Variants in ELFN1 observed in about 807,000 individuals in gnomAD.
The protein encoded by ELFN1 is protein ELFN1.
A neutral mutation model predicts 7.6 loss-of-function variants in ELFN1; 6 were observed. That is an observed-to-expected ratio of 0.79 (90% CI 0.43 to 1.56). ELFN1 has a LOEUF of 1.56. Ranked by LOEUF, ELFN1 falls within the 40% of genes most tolerant of loss-of-function variation. The pLI, the probability that ELFN1 is intolerant of heterozygous loss-of-function variation, is 0.01. For synonymous variants in ELFN1, 657 were observed against 588.1 expected, an observed-to-expected ratio of 1.12 and a Z score of -1.70; for missense variants, 1,169 against 1,232.2, an observed-to-expected ratio of 0.95 and a Z score of 0.77.
Position 1,746,010 on chromosome 7 carries a change from G to A in ELFN1, c.1414G>A (p.Gly472Arg), listed in dbSNP as rs765564129. The A allele has an allele frequency of 1.4e-5, 22 of 1,543,214 alleles. No individual in the cohort carries two copies. The highest frequency in any genetic ancestry group is 4.1e-5 in the African/African-American group (3 of 72,810). ...GAAGACCATCATCGAGCTCAAGTAC[G>A]GGCCAGAGCTGGAGGCGCCCGGCCT... The part of the protein sequence containing the change: ...LKKTIIELKY[G>R]PELEAPGLAP... The change falls in exon 4 of 4, where the codon GGG becomes AGG. Residue 472 changes from glycine (G) to arginine (R), a missense_variant. Gly to Arg is a moderately radical substitution (Grantham distance 125, BLOSUM62 -2). Transcript: ENST00000424383.
chr7:1,696,758 C>G lies in ELFN1; in HGVS notation c.-456+8608C>G, dbSNP rs185587950. Among the ~76,000 whole-genome samples, 150 of 152,282 alleles carry G rather than the reference C, an allele frequency of 9.9e-4. 1 individual carries two copies. Among genetic ancestry groups the G allele is most frequent in the African/African-American group, 3.3e-3 (136 of 41,562 alleles). On this transcript the variant is annotated intron_variant, in intron 2 of 3. Coordinates refer to ENST00000424383, the MANE Select transcript of ELFN1 (RefSeq NM_001128636.4). ...ATCGTGGGCCCCACCCTCATGACCT[C>G]GGCTAACTCCGATCACCTCCCAGAG...
chr7:1,712,166 G>A (rs902220283), intron 3 of ELFN1, among the ~76,000 whole-genome samples: 1 of 152,148 alleles, frequency 6.6e-6, no homozygotes, highest in Admixed American at 6.5e-5. Context: ...TGTCCCCCAA[G>A]TTTGTCTGTT....
In ELFN1 at chr7:1,746,748, C is replaced by G. The variant is rs1278284913; in HGVS notation, c.2152C>G (p.Pro718Ala). Reference protein sequence around the residue: ...PGSHPAEPPAPPGPPPPPPHE... With the variant: ...PGSHPAEPPAAPGPPPPPPHE... ...CTCCCACCCGGCCGAGCCACCTGCG[C>G]CCCCCGGGCCACCGCCGCCGCCTCC... Residue 718 changes from proline to alanine, a missense_variant, in exon 4 of 4, where the codon CCC (proline) becomes GCC (alanine). Around this residue, in one of 2 missense-constraint regions of ELFN1, gnomAD observed 914 missense variants for 872.6 expected, o/e 1.05. Transcript: ENST00000424383. The G allele has an allele frequency of 6.7e-7, 1 of 1,493,924 alleles. No homozygotes were observed. 92.5% of individuals were successfully genotyped at this position (1,493,924 alleles called of 1,614,324 possible). A position where few individuals can be genotyped will look rare whatever the true frequency, so the allele number is the denominator to read the frequency against.
intron 3 of ELFN1, among the ~76,000 whole-genome samples, chr7:1,724,267 G>A (rs1260790516): frequency 6.6e-6 from 1 of 152,162 alleles, no homozygotes; most frequent in Non-Finnish European, 1.5e-5. Flanking sequence ...ACCCTTCATC[G>A]TGGCTAAGCA....
At chr7:1,743,100 TG>T (rs1583405256) in intron 3 of ELFN1, among the ~76,000 whole-genome samples, 1 of 151,964 alleles carries the variant, frequency 6.6e-6, no homozygotes, top group African/African-American at 2.4e-5. Context: ...GGGGGGTCCA[TG>T]GGGGAGCAGG....
chr7:1,720,641 T>C (rs932896427), intron 3 of ELFN1, among the ~76,000 whole-genome samples: 4 of 152,162 alleles, frequency 2.6e-5, no homozygotes, highest in Admixed American at 2.0e-4. Flanking sequence ...TCTGAGCTCC[T>C]TAAAAGCTCC....
chr7:1,677,652 C>A (rs901880729), intron 1 of ELFN1, among the ~76,000 whole-genome samples: 7 of 152,186 alleles, frequency 4.6e-5, no homozygotes, highest in Non-Finnish European at 1.0e-4. Context: ...CTGGCCCCCC[C>A]ACCCCTTTCC....
intron 3 of ELFN1, among the ~76,000 whole-genome samples, chr7:1,734,786 C>G (rs1426032205): frequency 1.3e-5 from 2 of 152,122 alleles, no homozygotes; most frequent in Non-Finnish European, 1.5e-5. Context: ...CAGCCTCAAC[C>G]TCCTGAGCCG....
chr7:1,692,944 A>G (rs1449938633), intron 2 of ELFN1: 1 of 223,582 alleles, frequency 4.5e-6, no homozygotes. Flanking sequence ...CAGGGACCTC[A>G]CAAGGCAGGC....
chr7:1,697,916 G>A (rs1779352259), intron 2 of ELFN1, among the ~76,000 whole-genome samples: 1 of 152,212 alleles, frequency 6.6e-6, no homozygotes, highest in Non-Finnish European at 1.5e-5. Flanking sequence ...TCCAGGTGTG[G>A]GAAGAAAGGA....
In ELFN1 at chr7:1,745,772, C is replaced by T. The variant is rs1780762264; in HGVS notation, c.1176C>T (p.His392=). Residue 392 remains histidine, a synonymous_variant, in exon 4 of 4, where the codon CAC becomes CAT. Coordinates refer to ENST00000424383, the MANE Select transcript of ELFN1 (RefSeq NM_001128636.4). Reference sequence around the variant, plus strand: ...CCAGCGCCGGGCTGCGCCACAACCACACCTGCCTCACCATCTGCTTGCCCC... The same window carrying T: ...CCAGCGCCGGGCTGCGCCACAACCATACCTGCCTCACCATCTGCTTGCCCC... The part of the protein sequence containing the change: ...VSTSAGLRHN[H]TCLTICLPRL... 1 of 1,553,496 alleles carries T rather than the reference C, an allele frequency of 6.4e-7. No homozygotes were observed. The highest frequency in any genetic ancestry group is 2.0e-5 in the Admixed American group (1 of 51,134).
In ELFN1 at chr7:1,673,088, C is replaced by A. The variant is rs932520414; in HGVS notation, c.-549+2734C>A. Among the ~76,000 whole-genome samples the A allele has an allele frequency of 2.2e-5, 2 of 92,490 alleles. No homozygotes were observed. Among genetic ancestry groups the A allele is most frequent in the Non-Finnish European group, 1.9e-5 (1 of 51,596 alleles). The allele number at this position is 92,490 out of a possible 152,430, so 60.7% of individuals were successfully genotyped here. ...ATACATTTGTCATCTCTCCAGCGCC[C>A]CCCCCCGCTCTTTCCTTTTTGTTTT... is the stretch of plus-strand genomic sequence containing the variant. On this transcript the variant is annotated intron_variant, in intron 1 of 3. Coordinates refer to ENST00000424383, the MANE Select transcript of ELFN1 (RefSeq NM_001128636.4). This position sits in a 1 kb window ranked among gnomAD's most constrained non-coding sequence, Gnocchi z 4.7.
At chr7:1,710,070 C>A (rs187324896) in intron 3 of ELFN1, among the ~76,000 whole-genome samples, 1 of 152,292 alleles carries the variant, frequency 6.6e-6, no homozygotes, top group Admixed American at 6.5e-5. Flanking sequence ...CAGAAGGAGG[C>A]GCTATTGTTA....
At chr7:1,729,927 C>T (rs1454974440) in intron 3 of ELFN1, among the ~76,000 whole-genome samples, 2 of 152,238 alleles carry the variant, frequency 1.3e-5, no homozygotes, top group Non-Finnish European at 2.9e-5. Context: ...GCACGTAGAC[C>T]AGCAGGCCCC....
At chr7:1,682,490 G>A (rs1778990916) in intron 1 of ELFN1, among the ~76,000 whole-genome samples, 1 of 151,778 alleles carries the variant, frequency 6.6e-6, no homozygotes, top group South Asian at 2.1e-4. Flanking sequence ...TCCCAGGCTG[G>A]AGTGCAGCGG....
At chr7:1,690,333 G>C (rs548183579) in intron 2 of ELFN1, among the ~76,000 whole-genome samples, 8 of 150,630 alleles carry the variant, frequency 5.3e-5, no homozygotes, top group African/African-American at 2.0e-4. Context: ...ATGCTAGAAG[G>C]ATATATGGAT....
rs1395419850 is a variant in ELFN1, at chr7:1,670,934, G to A, written c.-549+580G>A. On this transcript the variant is annotated intron_variant, in intron 1 of 3. Coordinates refer to ENST00000424383, the MANE Select transcript of ELFN1 (RefSeq NM_001128636.4). This position sits in a 1 kb window ranked among gnomAD's most constrained non-coding sequence, Gnocchi z 6.4. ...CCCCTGAGTCCAACCACTGGCGGGGGGGTGGGGTGGGGGGCTTCGCTCCGA... is the reference window on the plus strand; with the variant it reads ...CCCCTGAGTCCAACCACTGGCGGGGAGGTGGGGTGGGGGGCTTCGCTCCGA... 3.9e-5 allele frequency among the ~76,000 whole-genome samples: 6 copies of A among 152,130 alleles called. No individual in the cohort carries two copies. Among genetic ancestry groups the A allele is most frequent in the Non-Finnish European group, 2.9e-5 (2 of 68,006 alleles).
intron 1 of ELFN1, among the ~76,000 whole-genome samples, chr7:1,672,635 G>A (rs193269757): frequency 2.6e-5 from 4 of 152,182 alleles, no homozygotes; most frequent in Admixed American, 1.3e-4. Context: ...CAACACACAC[G>A]CATCAGCTCT....
chr7:1,668,340 C>T (rs1297639510), upstream of ELFN1, among the ~76,000 whole-genome samples: 1 of 152,230 alleles, frequency 6.6e-6, no homozygotes, highest in East Asian at 1.9e-4. Context: ...CCCAGCACAG[C>T]GCAGGGCACA....
Sources: allele counts gnomAD v4.1 joint callset (sites outside exome capture counted in the v4.1 genomes callset), GRCh38; gene constraint gnomAD v4.1.1; regional missense constraint gnomAD v4.1.1; non-coding constraint Gnocchi (gnomAD v3.1); transcripts MANE v1.5; gene names NCBI Gene and HGNC (gene_info 2026-07-23, HGNC 2026-07-21).